The following DHX40 variants were observed in gnomAD, a reference collection of about 807,000 sequenced individuals.
DHX40 encodes DEAH-box helicase 40, also known as probable ATP-dependent RNA helicase DHX40.
Under a neutral mutation model 89.6 loss-of-function variants are expected in DHX40, and 28 were observed. That is an observed-to-expected ratio of 0.31 (90% CI 0.23 to 0.43). DHX40 has a LOEUF of 0.43. DHX40 is among the 20% of genes least tolerant of loss of function. The pLI, the probability that DHX40 is intolerant of heterozygous loss-of-function variation, is 1.00. For missense variants in DHX40, 457 were observed against 844.0 expected (o/e 0.54, Z 5.68); for synonymous variants, 226 against 283.6 (o/e 0.80, Z 2.04).
intron 11 of DHX40, among the ~76,000 whole-genome samples, chr17:59,586,974 T>C (rs1217640117): frequency 6.6e-6 from 1 of 152,010 alleles, no homozygotes; most frequent in Non-Finnish European, 1.5e-5. Context: ...AGAAACATAG[T>C]AAAACCCATC....
chr17:59,570,469 G>A, intron 2 of DHX40, 49 bp from the exon 3 acceptor site: 6 of 1,541,276 alleles, frequency 3.9e-6, no homozygotes, highest in Non-Finnish European at 5.2e-6. Context: ...GCTCTAATAG[G>A]AAGACAATTG....
intron 7 of DHX40, among the ~76,000 whole-genome samples, chr17:59,576,671 CATT>C (rs1160192515): frequency 6.6e-6 from 1 of 152,102 alleles, no homozygotes; most frequent in Non-Finnish European, 1.5e-5. Flanking sequence ...TTAAGGTTCT[CATT>C]GTTTTCTCAA....
At chr17:59,604,495 C>T (rs1326490560) in intron 15 of DHX40, 1 of 152,388 alleles carries the variant, frequency 6.6e-6, no homozygotes, top group Non-Finnish European at 1.5e-5. Flanking sequence ...GCAGTCTGAT[C>T]TGGGTTATAC....
At chr17:59,571,320 G>A (rs539413583) in intron 3 of DHX40, among the ~76,000 whole-genome samples, 3 of 151,906 alleles carry the variant, frequency 2.0e-5, no homozygotes, top group South Asian at 4.2e-4. Flanking sequence ...AGCTGGGCAC[G>A]GTGGTGCATG....
intron 17 of DHX40, 55 bp downstream of exon 17, chr17:59,605,729 G>T: frequency 6.7e-7 from 1 of 1,483,330 alleles, no homozygotes; most frequent in Middle Eastern, 1.7e-4. Flanking sequence ...CTTCCCAGTA[G>T]TACTTCACTA....
In DHX40 at chr17:59,605,524, G is replaced by A. The variant is rs369320452; in HGVS notation, c.2050G>A (p.Val684Ile). 5.6e-6 allele frequency: 9 copies of A among 1,614,182 alleles called. No individual in the cohort carries two copies. In the East Asian group the frequency reaches 1.6e-4, roughly 28 times the overall value. Residue 684 changes from valine (V) to isoleucine (I), a missense_variant, in exon 17 of 18, where the codon GTA becomes ATA. Physicochemically the swap from Val to Ile is conservative, Grantham distance 29. Transcript: ENST00000251241. ...LVTTKVYARI[V>I]CPIRYEWVRD... ...TACCACCAAAGTCTACGCAAGAATT[G>A]TATGCCCAATCCGTTATGAATGGGT...
At chr17:59,567,854 T>G (rs988769318) in intron 2 of DHX40, among the ~76,000 whole-genome samples, 1 of 145,986 alleles carries the variant, frequency 6.8e-6, no homozygotes, top group African/African-American at 2.6e-5. Flanking sequence ...ATGGCATGAA[T>G]CTGGGAGGCG....
intron 3 of DHX40, 59 bp from the exon 4 acceptor site, chr17:59,573,057 G>A: frequency 6.4e-7 from 1 of 1,557,376 alleles, no homozygotes; most frequent in South Asian, 1.2e-5. Flanking sequence ...ACCTCTTGAG[G>A]AAAAATTTAG....
In DHX40 at chr17:59,586,216, G is replaced by C. The variant is rs1406243789; in HGVS notation, c.1407G>C (p.Gln469His). Reference sequence around the variant, plus strand: ...TAGAAGCTCTTAAACAACTTTACCAGTGTGATGCTATTGACAGGTAAAAAA... The same window carrying C: ...TAGAAGCTCTTAAACAACTTTACCACTGTGATGCTATTGACAGGTAAAAAA... ...LILEALKQLY[Q>H]CDAIDRSGHV... Residue 469 changes from glutamine (Q) to histidine (H), a missense_variant, in exon 11 of 18, where the codon CAG (glutamine) becomes CAC (histidine). By Grantham distance (24) the Gln-to-His change is conservative. Transcript: ENST00000251241. 2 of 1,554,988 alleles carry C rather than the reference G, an allele frequency of 1.3e-6. No homozygotes were observed. The highest frequency in any genetic ancestry group is 1.5e-5 in the African/African-American group (1 of 67,794).
chr17:59,600,600 G>A (rs1326788173), intron 14 of DHX40, among the ~76,000 whole-genome samples: 1 of 151,990 alleles, frequency 6.6e-6, no homozygotes. Flanking sequence ...TAATCCCAAT[G>A]CTTTGGGAGG....
chr17:59,602,496 CCA>C (rs1300536307), intron 14 of DHX40, 24 bp from the exon 15 acceptor site: 32 of 1,544,724 alleles, frequency 2.1e-5, no homozygotes, highest in Non-Finnish European at 2.8e-5. Context: ...ATGAGATTTA[CCA>C]CTCTCTACAT....
At chr17:59,576,207 G>T (rs2048880201) in intron 7 of DHX40, among the ~76,000 whole-genome samples, 1 of 147,168 alleles carries the variant, frequency 6.8e-6, no homozygotes, top group African/African-American at 2.6e-5. Context: ...CCTGGCTGTG[G>T]ATCATTTTCC....
At chr17:59,572,538 C>T (rs1413223319) in intron 3 of DHX40, among the ~76,000 whole-genome samples, 2 of 152,158 alleles carry the variant, frequency 1.3e-5, no homozygotes, top group East Asian at 3.9e-4. Context: ...CCCACCACAC[C>T]TGGCTAATTT....
At chr17:59,581,796 C>T (rs1339943575) in intron 10 of DHX40, among the ~76,000 whole-genome samples, 1 of 119,210 alleles carries the variant, frequency 8.4e-6, no homozygotes, top group East Asian at 3.1e-4. Context: ...CAAAAAAAAA[C>T]CCCAAAACCC....
chr17:59,570,153 AATAC>A (rs961108969), intron 2 of DHX40, among the ~76,000 whole-genome samples: 8 of 129,044 alleles, frequency 6.2e-5, no homozygotes, highest in Admixed American at 1.9e-4. Context: ...TAAATTATAT[AATAC>A]ATATAATATG....
chr17:59,605,891 G>A, intron 17 of DHX40: 1 of 601,082 alleles, frequency 1.7e-6, no homozygotes, highest in Non-Finnish European at 3.1e-6. Context: ...CTTGAACCCA[G>A]GAGTTTGAGG....
chr17:59,577,121 A>G (rs1300281220), intron 7 of DHX40, 145 bp from the exon 8 acceptor site: 1 of 691,220 alleles, frequency 1.4e-6, no homozygotes, highest in Admixed American at 2.0e-5. Flanking sequence ...CTCCCGCCTC[A>G]GCCTCCCAAA....
chr17:59,566,827 T>C (rs1204978772), intron 2 of DHX40, 33 bp downstream of exon 2: 2 of 1,537,402 alleles, frequency 1.3e-6, no homozygotes, highest in East Asian at 2.3e-5. Flanking sequence ...ATTGGAAATA[T>C]TTTAAAAATA....
chr17:59,570,444 G>A (rs2048790055), intron 2 of DHX40, 74 bp from the exon 3 acceptor site: 3 of 1,461,616 alleles, frequency 2.1e-6, no homozygotes, highest in Non-Finnish European at 2.7e-6. Flanking sequence ...GTGTTGATTG[G>A]CCAAAAACAA....
Sources: gnomAD v4.1 joint callset for allele counts (sites outside exome capture counted in the v4.1 genomes callset) on GRCh38, gnomAD v4.1.1 for gene constraint, MANE v1.5 for transcripts, NCBI Gene and HGNC (gene_info 2026-07-23, HGNC 2026-07-21) for gene names.